Variants in BRD9 observed in about 807,000 individuals in gnomAD.
BRD9 encodes the protein bromodomain containing 9, also known as bromodomain-containing protein 9.
A neutral mutation model predicts 68.7 loss-of-function variants in BRD9; 47 were observed. The observed-to-expected ratio is 0.68, with a 90% CI of 0.54 to 0.87. BRD9 has a LOEUF of 0.87. Among genes scored for constraint, BRD9 ranks in the 40% least tolerant of loss-of-function variants. BRD9 has a pLI of 0.00. For missense variants in BRD9, 670 were observed against 748.4 expected (o/e 0.90, Z 1.22); for synonymous variants, 313 against 293.9 (o/e 1.06, Z -0.67).
At chr5:892,060 G>A in intron 1 of BRD9, 1 of 785,836 alleles carries the variant, frequency 1.3e-6, no homozygotes. Context: ...GGAGCTTCAG[G>A]TCCCTTTCGA....
chr5:892,586 A>T lies in BRD9; in HGVS notation c.52+20T>A. The T allele has an allele frequency of 1.3e-6, 2 of 1,534,690 alleles. No individual in the cohort carries two copies. Among genetic ancestry groups the T allele is most frequent in the Non-Finnish European group, 8.8e-7 (1 of 1,140,318 alleles). Reference sequence around the variant, plus strand: ...CCCGGGACCCCGCCCGCCGCGCGTCACAAAGCGCCGCCGCCTCACCCTCGT... The same window carrying T: ...CCCGGGACCCCGCCCGCCGCGCGTCTCAAAGCGCCGCCGCCTCACCCTCGT... On this transcript the variant is annotated intron_variant, in intron 1 of 15. Coordinates refer to ENST00000467963, the MANE Select transcript of BRD9 (RefSeq NM_023924.5).
chr5:877,914 G>A lies in BRD9; in HGVS notation c.1271+441C>T, dbSNP rs532085858. On this transcript the variant is annotated intron_variant, in intron 11 of 15. Coordinates refer to ENST00000467963, the MANE Select transcript of BRD9 (RefSeq NM_023924.5). ...GACACACGCAGGATGGCCCCGGGAA[G>A]GCACAGGGAAAAGACGGAAAGACGG... Among the ~76,000 whole-genome samples, 6 of 152,280 alleles carry A rather than the reference G, an allele frequency of 3.9e-5. No homozygotes were observed. The East Asian group carries it at 1.2e-3, about 29-fold the overall frequency.
At chr5:869,487 A>G (rs1311168691) in intron 14 of BRD9, 2 of 396,638 alleles carry the variant, frequency 5.0e-6, no homozygotes, top group Non-Finnish European at 1.0e-5. Context: ...AAAAATCTAC[A>G]TTCTGTAGAG....
chr5:869,850 C>T (rs1021631840), intron 14 of BRD9, among the ~76,000 whole-genome samples: 1 of 152,206 alleles, frequency 6.6e-6, no homozygotes, highest in Admixed American at 6.5e-5. Context: ...TGTCCTCTGT[C>T]TCCCTAAAAC....
In BRD9 at chr5:871,432, C is replaced by T. The variant is rs142328423; in HGVS notation, c.1422+94G>A. On this transcript the variant is annotated intron_variant, in intron 13 of 15. Coordinates refer to ENST00000467963, the MANE Select transcript of BRD9 (RefSeq NM_023924.5). The stretch of plus-strand genomic sequence containing the variant: ...AGAAACGGACTCCATTTCTAAACGC[C>T]GTCATACACACAGACCTCCCCACCT... 8,658 of 1,117,108 alleles carry T rather than the reference C, an allele frequency of 7.8e-3. 45 individuals carry two copies. Among genetic ancestry groups the T allele is most frequent in the Non-Finnish European group, 8.4e-3 (6,169 of 730,572 alleles). 69.2% of individuals were successfully genotyped at this position (1,117,108 alleles called of 1,614,324 possible).
At position 864,527 on chromosome 5, in the gene BRD9, T is replaced by TGA; in HGVS notation, c.1733_1734dup (p.Thr579SerfsTer40). On this transcript the variant is annotated frameshift_variant, in exon 16 of 16. Coordinates refer to ENST00000467963, the MANE Select transcript of BRD9 (RefSeq NM_023924.5). LOFTEE classifies it high-confidence loss of function. ...TGAAGAAACTCATAGGGGTCGTGGG[T>TGA]GACGTCTGGCTGCTCCCCGACACTC... 6.2e-7 allele frequency: 1 copy of TGA among 1,614,008 alleles called. No individual in the cohort carries two copies. Among genetic ancestry groups the TGA allele is most frequent in the Non-Finnish European group, 8.5e-7 (1 of 1,179,956 alleles).
intron 3 of BRD9, 62 bp downstream of exon 3, chr5:891,093 G>T: frequency 6.7e-7 from 1 of 1,486,342 alleles, no homozygotes; most frequent in South Asian, 1.3e-5. Flanking sequence ...ACACGGTGCC[G>T]ACCCCTCATT....
chr5:882,630 G>C (rs1270109083), intron 8 of BRD9: 2 of 121,112 alleles, frequency 1.7e-5, no homozygotes, highest in Non-Finnish European at 3.3e-5. Context: ...GGCGAGCCAA[G>C]CAACCGCCCC....
rs148260624 is a variant in BRD9, at chr5:889,031, G to A, written c.596C>T (p.Thr199Met). ...ATGAAAGTAACTTACCTTAAATTCC[G>A]TAACTGACTTGTATTCATTAGCTAC... ...KIVANEYKSV[T>M]EFKADFKLMC... The change falls in exon 5 of 16, where the codon ACG becomes ATG. Residue 199 changes from threonine (T) to methionine (M), a missense_variant. Thr to Met is a moderately conservative substitution (Grantham distance 81). Coordinates refer to ENST00000467963, the MANE Select transcript of BRD9 (RefSeq NM_023924.5). 115 of 1,605,358 alleles carry A rather than the reference G, an allele frequency of 7.2e-5. No individual in the cohort carries two copies. Among genetic ancestry groups the A allele is most frequent in the Non-Finnish European group, 8.7e-5 (102 of 1,177,382 alleles).
intron 14 of BRD9, chr5:866,405 A>C (rs1244877846): frequency 1.3e-5 from 2 of 152,270 alleles, no homozygotes; most frequent in Admixed American, 1.3e-4. Context: ...ATCAGTAGAC[A>C]AAGTGTAGTA....
intron 5 of BRD9, 24 bp from the exon 6 acceptor site, chr5:887,495 TATC>T: frequency 6.3e-7 from 1 of 1,580,640 alleles, no homozygotes; most frequent in Non-Finnish European, 8.7e-7. Flanking sequence ...AGGAAAGACT[TATC>T]AGGTTTGAAA....
intron 9 of BRD9, among the ~76,000 whole-genome samples, chr5:880,630 C>T (rs568354235): frequency 1.1e-4 from 16 of 152,336 alleles, no homozygotes; most frequent in African/African-American, 3.8e-4. Context: ...CTCTTAATTA[C>T]TTCCAGGCCA....
At chr5:885,989 G>A (rs960635185) in intron 7 of BRD9, among the ~76,000 whole-genome samples, 11 of 152,200 alleles carry the variant, frequency 7.2e-5, no homozygotes, top group African/African-American at 2.2e-4. Flanking sequence ...AAAAAAGGAA[G>A]AAGGTTCCCT....
chr5:878,265 C>A, intron 11 of BRD9, 90 bp downstream of exon 11: 1 of 1,561,370 alleles, frequency 6.4e-7, no homozygotes, highest in Non-Finnish European at 8.7e-7. Context: ...GGCTCTCTCC[C>A]CACCCGCACA....
In BRD9 at chr5:864,292, T is replaced by C; in HGVS notation, c.*176A>G. The stretch of plus-strand genomic sequence containing the variant: ...TCGCGTATGACTCCACTCCTCAGGG[T>C]TCGTGGGGCTTGGAGACTCTGCTGA... On this transcript the variant is annotated 3_prime_UTR_variant, in exon 16 of 16. Transcript: ENST00000467963. 1.9e-6 allele frequency: 1 copy of C among 515,452 alleles called. No homozygotes were observed. Among genetic ancestry groups the C allele is most frequent in the Non-Finnish European group, 3.5e-6 (1 of 287,738 alleles). The allele number at this position is 515,452 out of a possible 1,614,324, so 31.9% of individuals were successfully genotyped here.
At chr5:891,516 GCTACCAACGGAA>G in intron 2 of BRD9, 112 bp downstream of exon 2, 1 of 1,427,760 alleles carries the variant, frequency 7.0e-7, no homozygotes, top group African/African-American at 1.4e-5. Context: ...TTCGCGTTTT[GCTACCAACGGAA>G]CACCCCCTCC....
Position 887,457 on chromosome 5 carries a change from C to T in BRD9, c.621G>A (p.Leu207=), listed in dbSNP as rs748843804. ...SVTEFKADFK[L]MCDNAMTYNR... ...TGTATGTCATTGCATTATCACACAT[C>T]AGCTTGAAATCTGCCTGAAAAGAAA... The change falls in exon 6 of 16, where the codon CTG becomes CTA. Residue 207 remains leucine, a synonymous_variant. Coordinates refer to ENST00000467963, the MANE Select transcript of BRD9 (RefSeq NM_023924.5). The T allele has an allele frequency of 6.2e-7, 1 of 1,613,582 alleles. No individual in the cohort carries two copies.
chr5:865,612 C>T (rs1303599351), intron 14 of BRD9, 31 bp from the exon 15 acceptor site: 5 of 1,561,784 alleles, frequency 3.2e-6, no homozygotes, highest in Non-Finnish European at 4.3e-6. Context: ...CCCACGTCGG[C>T]TGAGCTCAGC....
chr5:891,481 G>A, intron 2 of BRD9, 159 bp downstream of exon 2: 2 of 1,330,880 alleles, frequency 1.5e-6, no homozygotes, highest in Non-Finnish European at 2.0e-6. Flanking sequence ...CAGGATCCTG[G>A]AACTGAGTCT....
Sources: allele counts gnomAD v4.1 joint callset (sites outside exome capture counted in the v4.1 genomes callset), GRCh38; gene constraint gnomAD v4.1.1; transcripts MANE v1.5; gene names NCBI Gene and HGNC (gene_info 2026-07-23, HGNC 2026-07-21).